The following CDK12 variants were observed in gnomAD, a reference collection of about 807,000 sequenced individuals.
CDK12 encodes the protein cyclin dependent kinase 12.
In CDK12, 17 loss-of-function variants were observed where a neutral mutation model predicts 133.8. That is an observed-to-expected ratio of 0.13 (90% CI 0.09 to 0.19). The LOEUF (loss-of-function observed/expected upper bound fraction) is 0.19. Among genes scored for constraint, CDK12 ranks in the 10% least tolerant of loss-of-function variants. The probability of loss-of-function intolerance (pLI) is 1.00; values close to 1 mark genes in which losing one functional copy is unlikely to be tolerated. For missense variants in CDK12, 1,508 were observed against 1,818.7 expected (o/e 0.83, Z 3.11); for synonymous variants, 694 against 683.6 (o/e 1.02, Z -0.24).
At chr17:39,508,503 G>T (rs1403293893) in intron 6 of CDK12, among the ~76,000 whole-genome samples, 1 of 151,982 alleles carries the variant, frequency 6.6e-6, no homozygotes, top group East Asian at 1.9e-4. Context: ...ATCTCGTCTT[G>T]CAGTTTTCAA....
intron 3 of CDK12, among the ~76,000 whole-genome samples, chr17:39,557,279 A>C (rs953009491): frequency 6.6e-6 from 1 of 152,208 alleles, no homozygotes; most frequent in African/African-American, 2.4e-5. Flanking sequence ...TGAGCGCAGC[A>C]CTAAGATCCT....
At chr17:39,472,519 C>A (rs1435961989) in intron 2 of CDK12, among the ~76,000 whole-genome samples, 2 of 151,416 alleles carry the variant, frequency 1.3e-5, no homozygotes, top group African/African-American at 4.8e-5. Context: ...ACTAAAGATA[C>A]AAAAATTAGC....
intron 3 of CDK12, among the ~76,000 whole-genome samples, chr17:39,560,907 C>G (rs1207570992): frequency 6.6e-6 from 1 of 152,126 alleles, no homozygotes; most frequent in Non-Finnish European, 1.5e-5. Flanking sequence ...CTCAGCTACT[C>G]AGGAGGCTGA....
At chr17:39,496,101 C>T (rs565157928) in intron 5 of CDK12, among the ~76,000 whole-genome samples, 1 of 151,828 alleles carries the variant, frequency 6.6e-6, no homozygotes, top group African/African-American at 2.4e-5. Context: ...TAATAGAGAC[C>T]GGGTTTCACC....
intron 5 of CDK12, among the ~76,000 whole-genome samples, chr17:39,498,424 T>A (rs1001959416): frequency 9.2e-5 from 14 of 152,078 alleles, no homozygotes; most frequent in African/African-American, 3.1e-4. Context: ...GGTTTCACCA[T>A]GTGGGCCAGG....
At chr17:39,480,723 G>T (rs1306225447) in intron 2 of CDK12, among the ~76,000 whole-genome samples, 2 of 151,848 alleles carry the variant, frequency 1.3e-5, no homozygotes, top group East Asian at 3.9e-4. Flanking sequence ...ACGCCCAGCC[G>T]AAACTTTTCT....
At chr17:39,477,797 TCTC>T (rs1480873215) in intron 2 of CDK12, among the ~76,000 whole-genome samples, 2 of 151,198 alleles carry the variant, frequency 1.3e-5, no homozygotes, top group African/African-American at 4.9e-5. Context: ...ATGATCTCGA[TCTC>T]CTGACCTCGT....
intron 2 of CDK12, among the ~76,000 whole-genome samples, chr17:39,484,496 GTGATAA>G (rs1395323584): frequency 1.3e-5 from 2 of 152,084 alleles, no homozygotes; most frequent in African/African-American, 2.4e-5. Flanking sequence ...TATGCTAAAG[GTGATAA>G]TGTTAAGCAT....
intron 13 of CDK12, among the ~76,000 whole-genome samples, chr17:39,529,297 A>G (rs1246605315): frequency 3.9e-5 from 6 of 152,202 alleles, no homozygotes; most frequent in Non-Finnish European, 7.4e-5. Context: ...CTGCATGCTA[A>G]GGGAATACAA....
At chr17:39,494,079 A>G (rs11868030) in intron 4 of CDK12, among the ~76,000 whole-genome samples, 95,884 of 152,054 alleles carry the variant, frequency 0.63, 32,970 homozygotes, top group South Asian at 0.89. Context: ...TTTTATTGAG[A>G]AGGAGTCTCA....
At chr17:39,537,557 A>AC (rs1567801037), downstream of CDK12, among the ~76,000 whole-genome samples, 1 of 146,100 alleles carries the variant, frequency 6.8e-6, no homozygotes, top group African/African-American at 2.7e-5. Context: ...TTATTTATTT[A>AC]TTTATTTATT....
upstream of CDK12, among the ~76,000 whole-genome samples, chr17:39,547,222 G>C (rs1391111248): frequency 1.4e-5 from 2 of 139,948 alleles, no homozygotes; most frequent in East Asian, 4.2e-4. Context: ...TGCAACCTCT[G>C]CCTCCCGGAT....
At chr17:39,463,221 C>A in intron 1 of CDK12, 104 bp downstream of exon 1, 1 of 974,430 alleles carries the variant, frequency 1.0e-6, no homozygotes, top group Non-Finnish European at 1.6e-6. Flanking sequence ...TCATCATTGA[C>A]TAGAACACTT....
At chr17:39,527,911 C>G (rs957925010) in intron 13 of CDK12, among the ~76,000 whole-genome samples, 1 of 151,328 alleles carries the variant, frequency 6.6e-6, no homozygotes, top group African/African-American at 2.4e-5. Context: ...CCTGAAAGTC[C>G]GTACTTTTTT....
chr17:39,481,847 A>G (rs1042858852), intron 2 of CDK12, among the ~76,000 whole-genome samples: 1 of 151,144 alleles, frequency 6.6e-6, no homozygotes, highest in African/African-American at 2.4e-5. Flanking sequence ...CACCCTCCCA[A>G]GTAGCTGGGA....
chr17:39,558,138 A>C (rs1352936798), intron 3 of CDK12, among the ~76,000 whole-genome samples: 1 of 152,220 alleles, frequency 6.6e-6, no homozygotes, highest in Non-Finnish European at 1.5e-5. Flanking sequence ...ATGTATGTGC[A>C]CATGCTGGGG....
At position 39,500,360 on chromosome 17, in the gene CDK12, C is replaced by T. The variant is rs546702702; in HGVS notation, c.2420-890C>T. Among the ~76,000 whole-genome samples the T allele has an allele frequency of 1.0e-3, 152 of 152,020 alleles. 1 individual carries two copies. The highest frequency in any genetic ancestry group is 3.5e-3 in the African/African-American group (144 of 41,496). On this transcript the variant is annotated intron_variant, in intron 5 of 13. Coordinates refer to ENST00000447079, the MANE Select transcript of CDK12 (RefSeq NM_016507.4). Reference sequence around the variant, plus strand: ...AAAAAAAGAAGAAAAAGGCTGGGCGCGGTGGCTGACGCCTGTAATCCCAAC... The same window carrying T: ...AAAAAAAGAAGAAAAAGGCTGGGCGTGGTGGCTGACGCCTGTAATCCCAAC...
chr17:39,484,478 G>A (rs2050963529), intron 2 of CDK12, among the ~76,000 whole-genome samples: 1 of 152,068 alleles, frequency 6.6e-6, no homozygotes, highest in Admixed American at 6.6e-5. Context: ...TTATAATACT[G>A]AGTGTCCTAT....
At chr17:39,510,813 A>T (rs560362083) in intron 7 of CDK12, among the ~76,000 whole-genome samples, 1 of 150,706 alleles carries the variant, frequency 6.6e-6, no homozygotes, top group African/African-American at 2.4e-5. Flanking sequence ...GGGTTTCTCC[A>T]TGTTGGTCAC....
Sources: gnomAD v4.1 joint callset for allele counts (sites outside exome capture counted in the v4.1 genomes callset) on GRCh38, gnomAD v4.1.1 for gene constraint, MANE v1.5 for transcripts, NCBI Gene and HGNC (gene_info 2026-07-23, HGNC 2026-07-21) for gene names.